The following PPP2R2B variants were observed in gnomAD, a reference collection of about 807,000 sequenced individuals.
PPP2R2B encodes the protein protein phosphatase 2 regulatory subunit Bbeta.
In PPP2R2B, 5 loss-of-function variants were observed where a neutral mutation model predicts 46.0. That is an observed-to-expected ratio of 0.11 (90% CI 0.06 to 0.23). The LOEUF (loss-of-function observed/expected upper bound fraction) is 0.23, where lower values mean the gene tolerates loss of function less well. Ranked by LOEUF, PPP2R2B falls within the 10% of genes least tolerant of loss-of-function variation. PPP2R2B has a pLI of 1.00. For missense variants in PPP2R2B, 367 were observed against 575.0 expected, an observed-to-expected ratio of 0.64 and a Z score of 3.70; for synonymous variants, 215 against 206.7, an observed-to-expected ratio of 1.04 and a Z score of -0.34.
intron 1 of PPP2R2B, among the ~76,000 whole-genome samples, chr5:147,001,315 G>A (rs1204996133): frequency 6.6e-6 from 1 of 152,158 alleles, no homozygotes; most frequent in African/African-American, 2.4e-5. Flanking sequence ...ACCTTTATGA[G>A]CTGTAACACT....
intron 1 of PPP2R2B, among the ~76,000 whole-genome samples, chr5:146,911,691 G>C (rs1172449471): frequency 6.6e-6 from 1 of 152,198 alleles, no homozygotes; most frequent in Non-Finnish European, 1.5e-5. Context: ...CTTCCTCATA[G>C]TGAACCCAAA....
intron 5 of PPP2R2B, among the ~76,000 whole-genome samples, chr5:146,653,571 T>C (rs1776125999): frequency 6.6e-6 from 1 of 152,150 alleles, no homozygotes; most frequent in Non-Finnish European, 1.5e-5. Flanking sequence ...TCTGCAGGAC[T>C]TCCTGTGGCT....
At chr5:147,026,688 G>T (rs1485303066) in intron 1 of PPP2R2B, among the ~76,000 whole-genome samples, 1 of 151,916 alleles carries the variant, frequency 6.6e-6, no homozygotes, top group Admixed American at 6.6e-5. Context: ...TGACCAATAA[G>T]CACATGAATA....
At chr5:146,741,236 C>T (rs973605981) in intron 2 of PPP2R2B, among the ~76,000 whole-genome samples, 12 of 152,136 alleles carry the variant, frequency 7.9e-5, no homozygotes, top group Non-Finnish European at 1.5e-4. Context: ...AGGCAACCCC[C>T]CTTTCTCCAT....
upstream of PPP2R2B, chr5:147,056,169 T>C (rs1441669117): frequency 2.0e-6 from 2 of 990,250 alleles, no homozygotes; most frequent in Middle Eastern, 5.0e-4. Flanking sequence ...CCATCTCTTA[T>C]TTAGCTGAAA....
chr5:146,642,442 C>T (rs1581776430), intron 6 of PPP2R2B, among the ~76,000 whole-genome samples: 1 of 152,074 alleles, frequency 6.6e-6, no homozygotes, highest in Admixed American at 6.6e-5. Flanking sequence ...AAACAAAAGT[C>T]CAGCATGATA....
At chr5:146,999,622 T>G (rs1754074522) in intron 1 of PPP2R2B, among the ~76,000 whole-genome samples, 1 of 152,140 alleles carries the variant, frequency 6.6e-6, no homozygotes, top group Non-Finnish European at 1.5e-5. Context: ...TTTGATTGTA[T>G]GACACCAGGA....
chr5:146,716,735 C>G (rs192348215), intron 2 of PPP2R2B, among the ~76,000 whole-genome samples: 1 of 152,220 alleles, frequency 6.6e-6, no homozygotes, highest in African/African-American at 2.4e-5. Context: ...TTCTAACACC[C>G]AGTTGAAAAT....
chr5:146,944,551 T>C (rs548665659), intron 1 of PPP2R2B, among the ~76,000 whole-genome samples: 2 of 152,208 alleles, frequency 1.3e-5, no homozygotes, highest in East Asian at 1.9e-4. Context: ...TATAGTTTGA[T>C]TGAAATTCAA....
At chr5:146,655,561 C>G (rs997272171) in intron 5 of PPP2R2B, among the ~76,000 whole-genome samples, 1 of 152,178 alleles carries the variant, frequency 6.6e-6, no homozygotes, top group African/African-American at 2.4e-5. Flanking sequence ...GTTACAATCC[C>G]TATTGCACAG....
At position 146,831,405 on chromosome 5, in the gene PPP2R2B, G is replaced by A. The variant is rs902649235; in HGVS notation, c.70+46597C>T. 6.0e-5 allele frequency among the ~76,000 whole-genome samples: 9 copies of A among 149,780 alleles called. 1 individual carries two copies. Among genetic ancestry groups the A allele is most frequent in the Non-Finnish European group, 3.0e-5 (2 of 67,788 alleles). On this transcript the variant is annotated intron_variant, in intron 2 of 9. Coordinates refer to ENST00000394411, the MANE Select transcript of PPP2R2B (RefSeq NM_181675.4). ...CCAGCTACTCGGGAGGCTGAGGCAG[G>A]AGAATCACTTGAACCCGGAAGACTG... is the stretch of plus-strand genomic sequence containing the variant.
chr5:146,632,163 G>A (rs1389142353), intron 7 of PPP2R2B, among the ~76,000 whole-genome samples: 1 of 141,310 alleles, frequency 7.1e-6, no homozygotes, highest in Admixed American at 8.1e-5. Context: ...TTAAAATAAG[G>A]TAATCAGGGT....
intron 2 of PPP2R2B, among the ~76,000 whole-genome samples, chr5:146,873,923 G>A (rs1465133072): frequency 1.3e-5 from 2 of 152,090 alleles, no homozygotes; most frequent in African/African-American, 4.8e-5. Flanking sequence ...CCTGTTCCTA[G>A]CCATAGTCAT....
chr5:146,669,900 C>T (rs1294973617), intron 5 of PPP2R2B, among the ~76,000 whole-genome samples: 1 of 152,104 alleles, frequency 6.6e-6, no homozygotes, highest in East Asian at 1.9e-4. Context: ...TACTATATTT[C>T]CAGTATAAAG....
chr5:147,081,042 A>G (rs1357582137), intron 2 of PPP2R2B: 4 of 1,531,554 alleles, frequency 2.6e-6, no homozygotes, highest in South Asian at 1.2e-5. Flanking sequence ...GGAAAAGGGC[A>G]TGGGGATTTC....
chr5:146,811,636 C>T (rs1282009262), intron 2 of PPP2R2B, among the ~76,000 whole-genome samples: 1 of 145,378 alleles, frequency 6.9e-6, no homozygotes, highest in Non-Finnish European at 1.5e-5. Context: ...TCTCGGCTCA[C>T]TGCAACCTCC....
chr5:146,948,169 A>C (rs1764543775), intron 1 of PPP2R2B, among the ~76,000 whole-genome samples: 1 of 152,002 alleles, frequency 6.6e-6, no homozygotes, highest in Admixed American at 6.6e-5. Flanking sequence ...ATGAGGCTTT[A>C]AGACTGGGGA....
At chr5:146,970,006 A>G (rs576205875) in intron 1 of PPP2R2B, among the ~76,000 whole-genome samples, 49 of 152,296 alleles carry the variant, frequency 3.2e-4, no homozygotes, top group Non-Finnish European at 5.4e-4. Flanking sequence ...AGCCACGTGT[A>G]TGGATGTAAT....
At position 146,878,438 on chromosome 5, in the gene PPP2R2B, G is replaced by A. The variant is rs1356343339; in HGVS notation, c.-125+153C>T. The stretch of plus-strand genomic sequence containing the variant: ...CGGAGGCGCTCACAAGCGGGTCTGG[G>A]GAGATGCCCAACAGGTTCCCCTCCT... On this transcript the variant is annotated intron_variant, in intron 1 of 9. Coordinates refer to ENST00000394411, the MANE Select transcript of PPP2R2B (RefSeq NM_181675.4). This position sits in a 1 kb window ranked among gnomAD's most constrained non-coding sequence, Gnocchi z 4.5. The A allele has an allele frequency of 7.1e-7, 1 of 1,405,638 alleles. No homozygotes were observed. The highest frequency in any genetic ancestry group is 9.2e-7 in the Non-Finnish European group (1 of 1,082,054). The allele number at this position is 1,405,638 out of a possible 1,614,324, so 87.1% of individuals were successfully genotyped here.
Sources: allele counts gnomAD v4.1 joint callset (sites outside exome capture counted in the v4.1 genomes callset), GRCh38; gene constraint gnomAD v4.1.1; non-coding constraint Gnocchi (gnomAD v3.1); transcripts MANE v1.5; gene names NCBI Gene and HGNC (gene_info 2026-07-23, HGNC 2026-07-21).